Variants in RGS22 observed in about 807,000 individuals in gnomAD.
The protein encoded by RGS22 is regulator of G-protein signaling 22.
A neutral mutation model predicts 172.9 loss-of-function variants in RGS22; 148 were observed. That is an observed-to-expected ratio of 0.86 (90% CI 0.75 to 0.98). The LOEUF (loss-of-function observed/expected upper bound fraction) is 0.98. Ranked by LOEUF, RGS22 falls within the 50% of genes least tolerant of loss-of-function variation. RGS22 has a pLI of 0.00. For synonymous variants in RGS22, 458 were observed against 480.2 expected (o/e 0.95, Z 0.60); for missense variants, 1,347 against 1,440.8 (o/e 0.93, Z 1.05).
At chr8:99,999,198 T>G (rs1814714776) in intron 19 of RGS22, 64 bp downstream of exon 19, 1 of 1,409,370 alleles carries the variant, frequency 7.1e-7, no homozygotes. Flanking sequence ...TCACCAGGTA[T>G]GTACATTTGA....
intron 3 of RGS22, chr8:100,080,573 G>T: frequency 2.0e-6 from 1 of 502,480 alleles, no homozygotes; most frequent in Non-Finnish European, 3.5e-6. Context: ...ACGAGTAAGT[G>T]TCAGGGTATG....
At chr8:99,963,863 G>A (rs940204998) in intron 24 of RGS22, among the ~76,000 whole-genome samples, 2 of 151,900 alleles carry the variant, frequency 1.3e-5, no homozygotes, top group Non-Finnish European at 2.9e-5. Flanking sequence ...AACTGTATAG[G>A]GCATCTACAT....
At position 100,038,973 on chromosome 8, in the gene RGS22, G is replaced by T; in HGVS notation, c.2124C>A (p.Tyr708Ter). 6.2e-7 allele frequency: 1 copy of T among 1,612,632 alleles called. No individual in the cohort carries two copies. Among genetic ancestry groups the T allele is most frequent in the Non-Finnish European group, 8.5e-7 (1 of 1,179,188 alleles). The change falls in exon 14 of 28, where the codon TAC (tyrosine) becomes TAA (stop). Residue 708 changes from tyrosine to a stop codon, truncating the protein, a stop_gained. Coordinates refer to ENST00000360863, the MANE Select transcript of RGS22 (RefSeq NM_015668.5). LOFTEE classifies it high-confidence loss of function. The part of the protein sequence containing the change: ...FDLQAYHQLF[Y>*]QETLQPFKVC... ...CTTTAAAAGGCTGAAGTGTTTCTTG[G>T]TAGAAAAGCTGATGATAAGCCTGCA... is the stretch of plus-strand genomic sequence containing the variant.
At chr8:100,094,366 T>C (rs1812804823) in intron 2 of RGS22, among the ~76,000 whole-genome samples, 1 of 152,168 alleles carries the variant, frequency 6.6e-6, no homozygotes, top group Non-Finnish European at 1.5e-5. Context: ...TCCATATGGC[T>C]GATTACTTTC....
intron 14 of RGS22, among the ~76,000 whole-genome samples, chr8:100,021,455 G>A: frequency 6.6e-6 from 1 of 152,100 alleles, no homozygotes. Flanking sequence ...AGTTTAGTGG[G>A]GAAAATCTTA....
chr8:100,042,574 T>A (rs1820252019), intron 11 of RGS22: 1 of 152,198 alleles, frequency 6.6e-6, no homozygotes, highest in East Asian at 1.9e-4. Context: ...TTGGATATTA[T>A]CTTTTTCTAT....
chr8:100,030,441 A>C (rs1398549206), intron 14 of RGS22, among the ~76,000 whole-genome samples: 1 of 152,230 alleles, frequency 6.6e-6, no homozygotes, highest in Non-Finnish European at 1.5e-5. Flanking sequence ...GAGGAATCCC[A>C]GAAGAAGGCA....
At chr8:100,049,017 TA>T (rs1218505937) in intron 10 of RGS22, among the ~76,000 whole-genome samples, 2 of 151,968 alleles carry the variant, frequency 1.3e-5, no homozygotes, top group Non-Finnish European at 2.9e-5. Context: ...TTTCTTAAAA[TA>T]AAAAAAATTA....
At chr8:100,023,808 A>G (rs1817873064) in intron 14 of RGS22, among the ~76,000 whole-genome samples, 1 of 152,056 alleles carries the variant, frequency 6.6e-6, no homozygotes, top group Admixed American at 6.6e-5. Flanking sequence ...TTTTGTCTCT[A>G]GTCAGCTGCT....
chr8:99,982,356 T>G (rs1306362405), intron 21 of RGS22, among the ~76,000 whole-genome samples: 1 of 152,222 alleles, frequency 6.6e-6, no homozygotes, highest in African/African-American at 2.4e-5. Flanking sequence ...CCTGATCACT[T>G]ATTCCTCTAG....
chr8:100,020,893 T>C (rs1035271880), intron 14 of RGS22, among the ~76,000 whole-genome samples: 1 of 152,228 alleles, frequency 6.6e-6, no homozygotes, highest in Non-Finnish European at 1.5e-5. Flanking sequence ...GGAAATATTA[T>C]ATGATGGGGT....
At chr8:99,993,723 C>T (rs1293897029) in intron 20 of RGS22, among the ~76,000 whole-genome samples, 1 of 152,174 alleles carries the variant, frequency 6.6e-6, no homozygotes, top group Non-Finnish European at 1.5e-5. Context: ...CGAAACTATT[C>T]CAATCAATAG....
At chr8:100,077,624 T>C (rs1811448653) in intron 4 of RGS22, among the ~76,000 whole-genome samples, 1 of 152,242 alleles carries the variant, frequency 6.6e-6, no homozygotes, top group African/African-American at 2.4e-5. Flanking sequence ...CTGAAATTTA[T>C]TTTATGGCCC....
intron 19 of RGS22, 32 bp downstream of exon 19, chr8:99,999,230 C>T (rs374173024): frequency 8.2e-6 from 13 of 1,592,234 alleles, no homozygotes; most frequent in Non-Finnish European, 1.1e-5. Context: ...GTACTGACAA[C>T]TGCTATCAAA....
chr8:100,049,474 C>A (rs1034410176), intron 10 of RGS22, among the ~76,000 whole-genome samples: 1 of 152,148 alleles, frequency 6.6e-6, no homozygotes, highest in Non-Finnish European at 1.5e-5. Context: ...GATGAGAAGT[C>A]AGGTTTATAC....
chr8:99,980,577 A>G (rs959602701), intron 22 of RGS22, among the ~76,000 whole-genome samples: 2 of 152,224 alleles, frequency 1.3e-5, no homozygotes, highest in African/African-American at 4.8e-5. Flanking sequence ...GAAAACAGGA[A>G]TAACAACAGA....
At chr8:100,040,199 T>C (rs1431063652) in intron 12 of RGS22, 112 bp from the exon 13 acceptor site, 4 of 938,028 alleles carry the variant, frequency 4.3e-6, no homozygotes, top group Middle Eastern at 2.2e-4. Context: ...CCCACTGGAC[T>C]ATTTTATTTT....
chr8:100,039,203 T>C (rs985439772), intron 13 of RGS22, among the ~76,000 whole-genome samples, 171 bp from the exon 14 acceptor site: 4 of 152,196 alleles, frequency 2.6e-5, no homozygotes, highest in African/African-American at 9.7e-5. Context: ...AAAATATTTA[T>C]TGATATTGTT....
intron 12 of RGS22, among the ~76,000 whole-genome samples, 179 bp downstream of exon 12, chr8:100,041,623 C>T (rs1293193650): frequency 6.6e-6 from 1 of 151,976 alleles, no homozygotes; most frequent in African/African-American, 2.4e-5. Context: ...AACCATGGTA[C>T]TACAAAAGAA....
Sources: gnomAD v4.1 joint callset for allele counts (sites outside exome capture counted in the v4.1 genomes callset) on GRCh38, gnomAD v4.1.1 for gene constraint, MANE v1.5 for transcripts, NCBI Gene and HGNC (gene_info 2026-07-23, HGNC 2026-07-21) for gene names.